PGAP4: variants seen among roughly 807,000 people sequenced by gnomAD.
PGAP4 encodes GPI-N-acetylgalactosamine transferase PGAP4.
PGAP4 carries 12 observed loss-of-function variants against 28.2 expected under a neutral mutation model. The ratio of observed to expected loss-of-function variants is 0.42; its 90% CI spans 0.27 to 0.69. The LOEUF (loss-of-function observed/expected upper bound fraction) is 0.69, where lower values mean the gene tolerates loss of function less well. Ranked by LOEUF, PGAP4 falls within the 30% of genes least tolerant of loss-of-function variation. PGAP4 has a pLI of 0.22. For missense variants in PGAP4, 425 were observed against 513.5 expected (o/e 0.83, Z 1.67); for synonymous variants, 205 against 211.8 (o/e 0.97, Z 0.28).
chr9:101,506,704 T>G lies in PGAP4; in HGVS notation c.-164-17504A>C, dbSNP rs191730251. Among the ~76,000 whole-genome samples, 206 of 152,154 alleles carry G rather than the reference T, an allele frequency of 1.4e-3. 1 individual carries two copies. Among genetic ancestry groups the G allele is most frequent in the African/African-American group, 4.4e-3 (183 of 41,534 alleles). ...ATACTAGTATTGAAAGAATAAAAAG[T>G]GCAGAGCCTATTAAAATTTAAATAG... On this transcript the variant is annotated intron_variant, in intron 2 of 3. Coordinates refer to the PGAP4 transcript ENST00000374851.
intron 2 of PGAP4, among the ~76,000 whole-genome samples, chr9:101,496,304 G>T (rs1044909093): frequency 4.6e-5 from 7 of 151,360 alleles, no homozygotes; most frequent in Non-Finnish European, 8.9e-5. Context: ...TTTTTAAGGG[G>T]AGAAAGAACA....
At chr9:101,525,014 G>A (rs535112307) in intron 2 of PGAP4, among the ~76,000 whole-genome samples, 40 of 152,146 alleles carry the variant, frequency 2.6e-4, no homozygotes, top group Non-Finnish European at 4.6e-4. Flanking sequence ...CCAGTCCTTC[G>A]TTCATGAGCA....
intron 2 of PGAP4, among the ~76,000 whole-genome samples, chr9:101,525,575 C>G (rs1325117703): frequency 2.6e-5 from 4 of 151,334 alleles, no homozygotes; most frequent in African/African-American, 9.7e-5. Context: ...GGTGTGGTGA[C>G]AGGTGCCTGT....
At chr9:101,518,543 C>T (rs1239347091) in intron 2 of PGAP4, among the ~76,000 whole-genome samples, 1 of 152,184 alleles carries the variant, frequency 6.6e-6, no homozygotes, top group African/African-American at 2.4e-5. Flanking sequence ...TGAGAATGTT[C>T]TCATACAATA....
chr9:101,483,771 T>A (rs936097748), intron 1 of PGAP4, among the ~76,000 whole-genome samples: 7 of 151,798 alleles, frequency 4.6e-5, no homozygotes, highest in Non-Finnish European at 1.0e-4. Flanking sequence ...GGGAAAAAAA[T>A]AAGCAACTCA....
intron 1 of PGAP4, among the ~76,000 whole-genome samples, chr9:101,482,132 T>G (rs1397250073): frequency 4.6e-5 from 7 of 152,248 alleles, no homozygotes; most frequent in African/African-American, 1.4e-4. Context: ...GCCTATTTTA[T>G]TTCTCTGTGA....
chr9:101,474,496 CTCATTTCCAAGCTGGAGA>C lies in PGAP4; in HGVS notation c.*1367_*1384del, dbSNP rs1261401588. The stretch of plus-strand genomic sequence containing the variant: ...ATCTTAGAATAAGCTCATGAGGAGT[CTCATTTCCAAGCTGGAGA>C]TCATTTCCAGTTTGAATGAACAATT... On this transcript the variant is annotated 3_prime_UTR_variant, in exon 2 of 2. Coordinates refer to ENST00000374848, the MANE Select transcript of PGAP4 (RefSeq NM_032342.3). 2 of 152,172 alleles carry C rather than the reference CTCATTTCCAAGCTGGAGA, an allele frequency of 1.3e-5. No individual in the cohort carries two copies. The highest frequency in any genetic ancestry group is 2.9e-5 in the Non-Finnish European group (2 of 68,024). The allele number at this position is 152,172 out of a possible 1,614,324, so 9.4% of individuals were successfully genotyped here. A position where few individuals can be genotyped will look rare whatever the true frequency, so the allele number is the denominator to read the frequency against.
At chr9:101,504,650 T>C (rs1313311484) in intron 2 of PGAP4, among the ~76,000 whole-genome samples, 1 of 152,072 alleles carries the variant, frequency 6.6e-6, no homozygotes, top group Non-Finnish European at 1.5e-5. Context: ...GGGCATATGA[T>C]TTTGGGTGTT....
chr9:101,524,087 A>G (rs1232798330), intron 2 of PGAP4, among the ~76,000 whole-genome samples: 1 of 151,506 alleles, frequency 6.6e-6, no homozygotes, highest in East Asian at 1.9e-4. Flanking sequence ...TGTGATGTGA[A>G]CTGTCTATGG....
At chr9:101,501,626 A>G in intron 2 of PGAP4, 1 of 483,100 alleles carries the variant, frequency 2.1e-6, no homozygotes, top group Non-Finnish European at 4.2e-6. Context: ...AAGCAGCTTT[A>G]TAGTGAAACA....
chr9:101,485,947 G>A (rs573349524), intron 1 of PGAP4, among the ~76,000 whole-genome samples: 1 of 152,206 alleles, frequency 6.6e-6, no homozygotes, highest in Non-Finnish European at 1.5e-5. Flanking sequence ...CCCTATAGAA[G>A]GAGAAACACA....
chr9:101,498,079 A>G (rs976914811), intron 2 of PGAP4, among the ~76,000 whole-genome samples: 12 of 151,798 alleles, frequency 7.9e-5, no homozygotes, highest in African/African-American at 2.7e-4. Flanking sequence ...AATTTTGAGT[A>G]AAGCGTTTTT....
chr9:101,493,402 T>C (rs892548712), intron 2 of PGAP4, among the ~76,000 whole-genome samples: 3 of 152,152 alleles, frequency 2.0e-5, no homozygotes, highest in African/African-American at 7.2e-5. Context: ...CAGTCAGCCA[T>C]GGATTTGGGC....
At chr9:101,524,212 G>T (rs1213795834) in intron 2 of PGAP4, among the ~76,000 whole-genome samples, 2 of 150,850 alleles carry the variant, frequency 1.3e-5, no homozygotes, top group Non-Finnish European at 2.9e-5. Flanking sequence ...TACCTATGAG[G>T]ATTATGGATG....
chr9:101,504,544 T>A (rs570638360), intron 2 of PGAP4, among the ~76,000 whole-genome samples: 4 of 152,178 alleles, frequency 2.6e-5, no homozygotes, highest in African/African-American at 9.6e-5. Context: ...TCTGTGCCTC[T>A]CTGTTTCTCT....
intron 2 of PGAP4, among the ~76,000 whole-genome samples, chr9:101,492,989 T>C (rs1479503558): frequency 1.3e-5 from 2 of 152,030 alleles, no homozygotes; most frequent in African/African-American, 2.4e-5. Context: ...GCACAGTGGC[T>C]CACACCTGTA....
intron 2 of PGAP4, among the ~76,000 whole-genome samples, chr9:101,526,434 T>C (rs1827036655): frequency 6.6e-6 from 1 of 152,242 alleles, no homozygotes; most frequent in Non-Finnish European, 1.5e-5. Flanking sequence ...CCAGTACTTT[T>C]ATTTTTTTAA....
At chr9:101,477,211 A>AAAAC (rs71356363) in intron 1 of PGAP4, 42 bp from the exon 2 acceptor site, 146,988 of 1,241,604 alleles carry the variant, frequency 0.12, 9,661 homozygotes, top group Admixed American at 0.16. Flanking sequence ...GTAACTTAAA[A>AAAAC]AAACAAACAA....
intron 2 of PGAP4, among the ~76,000 whole-genome samples, chr9:101,524,971 C>G (rs546362478): frequency 6.6e-6 from 1 of 152,300 alleles, no homozygotes; most frequent in South Asian, 2.1e-4. Flanking sequence ...GCAATCTAGT[C>G]CTGCCTCCCA....
Sources: allele counts gnomAD v4.1 joint callset (sites outside exome capture counted in the v4.1 genomes callset), GRCh38; gene constraint gnomAD v4.1.1; transcripts MANE v1.5; gene names NCBI Gene and HGNC (gene_info 2026-07-23, HGNC 2026-07-21).